PTPRT: variants seen among roughly 807,000 people sequenced by gnomAD.
PTPRT encodes protein tyrosine phosphatase receptor type T.
PTPRT carries 56 observed loss-of-function variants against 176.8 expected under a neutral mutation model. That is an observed-to-expected ratio of 0.32 (90% confidence interval 0.26 to 0.40). The LOEUF is 0.40. PTPRT is among the 10% of genes least tolerant of loss of function. PTPRT has a pLI of 1.00. For synonymous variants in PTPRT, 783 were observed against 739.0 expected (o/e 1.06, Z -0.96); for missense variants, 1,540 against 1,908.2 (o/e 0.81, Z 3.60).
chr20:42,541,226 A>T (rs1333086137), intron 7 of PTPRT, among the ~76,000 whole-genome samples: 1 of 152,204 alleles, frequency 6.6e-6, no homozygotes. Flanking sequence ...GATAATTCTA[A>T]ATTTTATGTG....
At chr20:42,983,332 T>C (rs868435228) in intron 1 of PTPRT, among the ~76,000 whole-genome samples, 7 of 152,228 alleles carry the variant, frequency 4.6e-5, no homozygotes, top group African/African-American at 1.7e-4. Flanking sequence ...AGACCCAGTG[T>C]TGGCTGAGTG....
chr20:42,546,793 A>G (rs976502506), intron 7 of PTPRT, among the ~76,000 whole-genome samples: 17 of 152,154 alleles, frequency 1.1e-4, no homozygotes, highest in African/African-American at 3.9e-4. Context: ...GAATGACAGG[A>G]GAATGGATGG....
chr20:42,374,777 T>C (rs1016152232), intron 9 of PTPRT, among the ~76,000 whole-genome samples: 2 of 152,214 alleles, frequency 1.3e-5, no homozygotes, highest in Non-Finnish European at 2.9e-5. Context: ...ATACAGAGTG[T>C]TGCTGGAGTG....
At chr20:42,314,028 G>T (rs750231642) in intron 12 of PTPRT, among the ~76,000 whole-genome samples, 1 of 152,148 alleles carries the variant, frequency 6.6e-6, no homozygotes, top group South Asian at 2.1e-4. Context: ...GCCTGCCCAG[G>T]CTGTTCCCCA....
At chr20:42,357,056 G>T (rs1383387193) in intron 9 of PTPRT, among the ~76,000 whole-genome samples, 1 of 152,090 alleles carries the variant, frequency 6.6e-6, no homozygotes, top group Non-Finnish European at 1.5e-5. Context: ...AGAGTCACCT[G>T]TCTCTCTTTT....
intron 6 of PTPRT, among the ~76,000 whole-genome samples, chr20:42,682,214 T>A (rs2075615581): frequency 6.6e-6 from 1 of 152,328 alleles, no homozygotes; most frequent in South Asian, 2.1e-4. Flanking sequence ...TGGGGTTATG[T>A]AAAACTCATT....
chr20:42,212,650 T>C (rs2055672010), intron 15 of PTPRT, among the ~76,000 whole-genome samples: 1 of 152,128 alleles, frequency 6.6e-6, no homozygotes, highest in Non-Finnish European at 1.5e-5. Flanking sequence ...CTCCTGCCTG[T>C]AAAACACGGA....
intron 8 of PTPRT, among the ~76,000 whole-genome samples, chr20:42,468,434 C>T (rs2071137053): frequency 6.6e-6 from 1 of 152,232 alleles, no homozygotes; most frequent in African/African-American, 2.4e-5. Context: ...GACTCTCCTT[C>T]AGTCCAGTGG....
intron 7 of PTPRT, among the ~76,000 whole-genome samples, chr20:42,610,879 T>C (rs2073964131): frequency 6.6e-6 from 1 of 152,214 alleles, no homozygotes; most frequent in Non-Finnish European, 1.5e-5. Flanking sequence ...CAACCACTAA[T>C]CTTCTTTCCG....
intron 17 of PTPRT, among the ~76,000 whole-genome samples, chr20:42,156,451 T>C (rs1989359523): frequency 6.6e-6 from 1 of 152,234 alleles, no homozygotes; most frequent in Admixed American, 6.5e-5. Context: ...CCCAGTCTTG[T>C]GGCTTTAATC....
chr20:42,071,834 C>T (rs890200080), downstream of PTPRT, among the ~76,000 whole-genome samples: 1 of 151,744 alleles, frequency 6.6e-6, no homozygotes, highest in African/African-American at 2.4e-5. Flanking sequence ...TTTGTTTGAA[C>T]TTTTTGTGGA....
At chr20:42,587,900 G>T (rs2073499814) in intron 7 of PTPRT, among the ~76,000 whole-genome samples, 1 of 152,090 alleles carries the variant, frequency 6.6e-6, no homozygotes, top group African/African-American at 2.4e-5. Flanking sequence ...ATTACTTCTA[G>T]TCCATCAAAT....
rs559256009 is a variant in PTPRT at position 42,656,200 on chromosome 20, G to C, written c.1153+21666C>G. On this transcript the variant is annotated intron_variant, in intron 7 of 30. Coordinates refer to ENST00000373187, the MANE Select transcript of PTPRT (RefSeq NM_007050.6). ...GGAGGCATGGCCTTTTCTTCCTTAAGAGGGAGAAAAGCTGAGGCAAGATAG... is the reference window on the plus strand; with the variant it reads ...GGAGGCATGGCCTTTTCTTCCTTAACAGGGAGAAAAGCTGAGGCAAGATAG... Among the ~76,000 whole-genome samples the C allele has an allele frequency of 3.3e-5, 5 of 152,264 alleles. No individual in the cohort carries two copies. In the South Asian group the frequency reaches 8.3e-4, roughly 25 times the overall value.
chr20:42,366,036 T>G (rs1479448332), intron 9 of PTPRT, among the ~76,000 whole-genome samples: 1 of 152,218 alleles, frequency 6.6e-6, no homozygotes, highest in Non-Finnish European at 1.5e-5. Flanking sequence ...ATGACTTCCC[T>G]CCTGCTCCAG....
intron 1 of PTPRT, among the ~76,000 whole-genome samples, chr20:43,119,045 C>T (rs1023886960): frequency 6.6e-6 from 1 of 152,088 alleles, no homozygotes; most frequent in Non-Finnish European, 1.5e-5. Context: ...ATCTAAATAT[C>T]CAATATTAAA....
chr20:42,929,724 C>T (rs1979715129), intron 1 of PTPRT, among the ~76,000 whole-genome samples: 1 of 152,152 alleles, frequency 6.6e-6, no homozygotes, highest in African/African-American at 2.4e-5. Context: ...AACATTTTCC[C>T]CTTAAATCAA....
chr20:42,316,048 A>C (rs1308519369), intron 11 of PTPRT, 52 bp from the exon 12 acceptor site: 1 of 1,586,760 alleles, frequency 6.3e-7, no homozygotes, highest in Non-Finnish European at 8.6e-7. Context: ...TGGAAGAATG[A>C]GCTTGTTAGC....
At chr20:42,453,126 A>G (rs1170800064) in intron 8 of PTPRT, among the ~76,000 whole-genome samples, 1 of 152,166 alleles carries the variant, frequency 6.6e-6, no homozygotes, top group Non-Finnish European at 1.5e-5. Flanking sequence ...TTCTTTTGCA[A>G]AGCTTTTTGA....
chr20:42,941,589 T>C (rs1406278335), intron 1 of PTPRT, among the ~76,000 whole-genome samples: 4 of 152,208 alleles, frequency 2.6e-5, no homozygotes, highest in Admixed American at 6.5e-5. Context: ...GCTCAGTTGC[T>C]ATGGCTTCTT....
Sources: allele counts gnomAD v4.1 joint callset (sites outside exome capture counted in the v4.1 genomes callset), GRCh38; gene constraint gnomAD v4.1.1; transcripts MANE v1.5; gene names NCBI Gene and HGNC (gene_info 2026-07-23, HGNC 2026-07-21).